The following ENPP3 variants were observed in gnomAD, a reference collection of about 807,000 sequenced individuals.
The protein encoded by ENPP3 is ectonucleotide pyrophosphatase/phosphodiesterase family member 3.
A neutral mutation model predicts 117.8 loss-of-function variants in ENPP3; 104 were observed. That is an observed-to-expected ratio of 0.88 (90% CI 0.75 to 1.04). The LOEUF is 1.04. Among genes scored for constraint, ENPP3 ranks in the 50% least tolerant of loss-of-function variants. The pLI, the probability that ENPP3 is intolerant of heterozygous loss-of-function variation, is 0.00. For synonymous variants in ENPP3, 380 were observed against 349.9 expected, an observed-to-expected ratio of 1.09 and a Z score of -0.96; for missense variants, 1,026 against 1,051.9, an observed-to-expected ratio of 0.98 and a Z score of 0.34.
chr6:131,674,981 T>C (rs1332268593), intron 8 of ENPP3, 99 bp from the exon 9 acceptor site: 15 of 683,994 alleles, frequency 2.2e-5, no homozygotes, highest in East Asian at 1.0e-4. Context: ...TCAATTTTAA[T>C]ACATGTTGCA....
chr6:131,709,708 G>C, intron 15 of ENPP3: 3 of 1,613,696 alleles, frequency 1.9e-6, no homozygotes, highest in Non-Finnish European at 2.5e-6. Context: ...AAGATCTTTG[G>C]CTAGCTTTCT....
chr6:131,652,471 T>C (rs1778283332), intron 3 of ENPP3, 71 bp from the exon 4 acceptor site: 4 of 1,430,090 alleles, frequency 2.8e-6, no homozygotes, highest in Non-Finnish European at 3.9e-6. Flanking sequence ...AATATAGGAA[T>C]AAATAAATGA....
intron 23 of ENPP3, among the ~76,000 whole-genome samples, 156 bp from the exon 24 acceptor site, chr6:131,740,068 T>G (rs924369225): frequency 1.3e-5 from 2 of 152,146 alleles, no homozygotes; most frequent in African/African-American, 4.8e-5. Context: ...GTAAGTTATT[T>G]AAAAAGTACC....
chr6:131,711,004 C>T (rs781440471), intron 15 of ENPP3: 2 of 1,589,320 alleles, frequency 1.3e-6, no homozygotes, highest in Non-Finnish European at 1.7e-6. Context: ...AGGGGTAGCA[C>T]CAGGCTCCTC....
At position 131,745,510 on chromosome 6, in the gene ENPP3, A is replaced by C. The variant is rs575871859; in HGVS notation, c.2458-1276A>C. 3.9e-5 allele frequency among the ~76,000 whole-genome samples: 6 copies of C among 152,312 alleles called. No homozygotes were observed. In the South Asian group the frequency reaches 1.0e-3, roughly 26 times the overall value. On this transcript the variant is annotated intron_variant, in intron 24 of 24. Transcript: ENST00000357639. ...GAAAAGTTAACTGAACTTTAGCAAT[A>C]TCATATGAATACCAGAAAATTATTC...
In ENPP3 at chr6:131,674,145, T is replaced by C. The variant is rs766878189; in HGVS notation, c.643-17T>C. Reference sequence around the variant, plus strand: ...CTAATATTTTATCTTACATCTTTTTTGAAATTATCATTTTAGGGCTTGTAT... The same window carrying C: ...CTAATATTTTATCTTACATCTTTTTCGAAATTATCATTTTAGGGCTTGTAT... On this transcript the variant is annotated splice_polypyrimidine_tract_variant and intron_variant, in intron 7 of 24. Coordinates refer to ENST00000357639, the MANE Select transcript of ENPP3 (RefSeq NM_005021.5). 4.1e-6 allele frequency: 6 copies of C among 1,456,914 alleles called. No individual in the cohort carries two copies. The Admixed American group carries it at 1.1e-4, about 26-fold the overall frequency. The allele number at this position is 1,456,914 out of a possible 1,614,324, so 90.2% of individuals were successfully genotyped here.
intron 14 of ENPP3, among the ~76,000 whole-genome samples, chr6:131,692,405 A>T (rs533548292): frequency 6.6e-6 from 1 of 152,138 alleles, no homozygotes; most frequent in South Asian, 2.1e-4. Flanking sequence ...TTTTACAAAT[A>T]GGGAGACTAT....
Position 131,733,612 on chromosome 6 carries a change from A to G in ENPP3, c.1978A>G (p.Thr660Ala). 6.2e-7 allele frequency: 1 copy of G among 1,612,408 alleles called. No individual in the cohort carries two copies. Among genetic ancestry groups the G allele is most frequent in the East Asian group, 2.2e-5 (1 of 44,866 alleles). The change falls in exon 21 of 25, where the codon ACT becomes GCT. Residue 660 changes from threonine (T) to alanine (A), a missense_variant. Thr to Ala is a moderately conservative substitution (Grantham distance 58, BLOSUM62 0). Coordinates refer to ENST00000357639, the MANE Select transcript of ENPP3 (RefSeq NM_005021.5). ...GGGAGACACATCGCCTCTGCCTCCC[A>G]CTGTCCCAGACTGTCTGCGGGCTGA... Reference protein sequence around the residue: ...QLGDTSPLPPTVPDCLRADVR... With the variant: ...QLGDTSPLPPAVPDCLRADVR...
At position 131,652,837 on chromosome 6, in the gene ENPP3, C is replaced by T; in HGVS notation, c.410C>T (p.Thr137Ile). Reference sequence around the variant, plus strand: ...TTGATCTTATGCTTTTCAGGAGAAACCTCATGGCTGGAAGAAAACTGTGAC... The same window carrying T: ...TTGATCTTATGCTTTTCAGGAGAAATCTCATGGCTGGAAGAAAACTGTGAC... ...ADYKSVCQGETSWLEENCDTA... is the reference protein window; with the variant it reads ...ADYKSVCQGEISWLEENCDTA... The change falls in exon 5 of 25, where the codon ACC becomes ATC. Residue 137 changes from threonine to isoleucine, a missense_variant. Transcript: ENST00000357639. 2 of 1,613,218 alleles carry T rather than the reference C, an allele frequency of 1.2e-6. No homozygotes were observed. The highest frequency in any genetic ancestry group is 2.2e-5 in the South Asian group (2 of 91,058).
chr6:131,735,912 T>C (rs910172679), intron 21 of ENPP3, among the ~76,000 whole-genome samples: 1 of 152,202 alleles, frequency 6.6e-6, no homozygotes, highest in African/African-American at 2.4e-5. Context: ...GTATTGTACG[T>C]AGAGTCAACA....
rs182821223 is a variant in ENPP3 at position 131,693,365 on chromosome 6, T to A, written c.1285-132T>A. On this transcript the variant is annotated intron_variant, in intron 14 of 24. Coordinates refer to ENST00000357639, the MANE Select transcript of ENPP3 (RefSeq NM_005021.5). ...GACTACATTGATAATAGGTTTAATA[T>A]TCCTATTGTATTAGCCAAGCTGAAA... is the stretch of plus-strand genomic sequence containing the variant. The A allele has an allele frequency of 8.5e-6, 6 of 706,956 alleles. No individual in the cohort carries two copies. The East Asian group carries it at 1.4e-4, about 17-fold the overall frequency. The allele number at this position is 706,956 out of a possible 1,614,324, so 43.8% of individuals were successfully genotyped here.
chr6:131,683,419 G>T (rs1034253973), intron 12 of ENPP3, among the ~76,000 whole-genome samples: 12 of 152,152 alleles, frequency 7.9e-5, no homozygotes, highest in African/African-American at 2.4e-4. Context: ...TATTTAACAG[G>T]GATGTGGTTG....
At chr6:131,697,092 G>A (rs1220907621) in intron 15 of ENPP3, among the ~76,000 whole-genome samples, 1 of 152,074 alleles carries the variant, frequency 6.6e-6, no homozygotes, top group Non-Finnish European at 1.5e-5. Flanking sequence ...GCCAGCAGTA[G>A]CTCTAGGGCA....
At chr6:131,723,568 T>A (rs764883374) in intron 18 of ENPP3, among the ~76,000 whole-genome samples, 1 of 152,198 alleles carries the variant, frequency 6.6e-6, no homozygotes, top group Non-Finnish European at 1.5e-5. Flanking sequence ...CCTCTTGCTA[T>A]TCAGAGTGTG....
intron 24 of ENPP3, among the ~76,000 whole-genome samples, chr6:131,744,879 T>C (rs1051475302): frequency 6.6e-6 from 1 of 152,074 alleles, no homozygotes; most frequent in Non-Finnish European, 1.5e-5. Flanking sequence ...TAAAACTGTA[T>C]AGCCTATTCT....
rs780711106 is a variant in ENPP3 at position 131,675,060 on chromosome 6, T to C, written c.763-20T>C. The C allele has an allele frequency of 6.6e-7, 1 of 1,511,706 alleles. No individual in the cohort carries two copies. Among genetic ancestry groups the C allele is most frequent in the Admixed American group, 1.7e-5 (1 of 59,860 alleles). The allele number at this position is 1,511,706 out of a possible 1,614,324, so 93.6% of individuals were successfully genotyped here. On this transcript the variant is annotated intron_variant, in intron 8 of 24. Transcript: ENST00000357639. ...CCCAAAGTAATTACTGACTTTCGCT[T>C]ATCCTAAATTTTCTTACAGATGTGG...
chr6:131,738,096 G>A lies in ENPP3; in HGVS notation c.2233G>A (p.Val745Met). 6 of 1,604,838 alleles carry A rather than the reference G, an allele frequency of 3.7e-6. No homozygotes were observed. Among genetic ancestry groups the A allele is most frequent in the Non-Finnish European group, 5.1e-6 (6 of 1,172,530 alleles). The change falls in exon 23 of 25, where the codon GTG (valine) becomes ATG (methionine). Residue 745 changes from valine to methionine, a missense_variant. Transcript: ENST00000357639. ...TGCCACAGAAAGAAATGGAGTAAAT[G>A]TGGTTAGTGGACCAATATTTGATTA... Reference protein sequence around the residue: ...KHATERNGVNVVSGPIFDYNY... With the variant: ...KHATERNGVNMVSGPIFDYNY...
At chr6:131,689,402 C>G (rs1165993554) in intron 14 of ENPP3, among the ~76,000 whole-genome samples, 1 of 152,012 alleles carries the variant, frequency 6.6e-6, no homozygotes, top group Non-Finnish European at 1.5e-5. Context: ...TCCTAGGGCC[C>G]TTACGAATTA....
rs555291349 is a variant in ENPP3 at position 131,747,066 on chromosome 6, G to T, written c.*110G>T. The stretch of plus-strand genomic sequence containing the variant: ...AATAAAGTTTTCTATTTTTCCTTAA[G>T]TCCCCTAAAAGCCATAATTTTTATT... On this transcript the variant is annotated 3_prime_UTR_variant, in exon 25 of 25. Transcript: ENST00000357639. The T allele has an allele frequency of 9.4e-6, 5 of 533,084 alleles. No homozygotes were observed. Among genetic ancestry groups the T allele is most frequent in the East Asian group, 3.4e-5 (1 of 29,384 alleles). The allele number at this position is 533,084 out of a possible 1,614,324, so 33.0% of individuals were successfully genotyped here.
Sources: allele counts gnomAD v4.1 joint callset (sites outside exome capture counted in the v4.1 genomes callset), GRCh38; gene constraint gnomAD v4.1.1; transcripts MANE v1.5; gene names NCBI Gene and HGNC (gene_info 2026-07-23, HGNC 2026-07-21).